The following OLFM2 variants were observed in gnomAD, a reference collection of about 807,000 sequenced individuals.
The protein encoded by OLFM2 is olfactomedin 2.
OLFM2 carries 20 observed loss-of-function variants against 43.9 expected under a neutral mutation model. That is an observed-to-expected ratio of 0.46 (90% confidence interval 0.32 to 0.66). OLFM2 has a LOEUF of 0.66. Ranked by LOEUF, OLFM2 falls within the 30% of genes least tolerant of loss-of-function variation. OLFM2 has a pLI of 0.04. For synonymous variants in OLFM2, 268 were observed against 278.6 expected, an observed-to-expected ratio of 0.96 and a Z score of 0.38; for missense variants, 416 against 643.6, an observed-to-expected ratio of 0.65 and a Z score of 3.83.
rs980548604 is a variant in OLFM2 at position 9,908,294 on chromosome 19, C to G, written c.63+28010G>C. ...TGTGCACCACCATGCCCAGCTAATT[C>G]TTTTTATTTTTCCTCTTTTTCTTTT... On this transcript the variant is annotated intron_variant, in intron 1 of 5. Transcript: ENST00000264833. Among the ~76,000 whole-genome samples, 11 of 151,512 alleles carry G rather than the reference C, an allele frequency of 7.3e-5. No homozygotes were observed. The East Asian group carries it at 2.0e-3, about 27-fold the overall frequency.
chr19:9,871,639 G>A (rs919396859), intron 1 of OLFM2, among the ~76,000 whole-genome samples: 12 of 150,114 alleles, frequency 8.0e-5, no homozygotes, highest in South Asian at 2.1e-4. Flanking sequence ...GCTGGAATTC[G>A]AACACAGGCC....
At chr19:9,900,777 A>C (rs1401351112) in intron 1 of OLFM2, among the ~76,000 whole-genome samples, 2 of 151,022 alleles carry the variant, frequency 1.3e-5, no homozygotes, top group African/African-American at 4.9e-5. Flanking sequence ...TGTAGTCCCA[A>C]CTACTCAGCA....
chr19:9,907,100 C>T (rs1243955022), intron 1 of OLFM2, among the ~76,000 whole-genome samples: 1 of 152,134 alleles, frequency 6.6e-6, no homozygotes, highest in East Asian at 1.9e-4. Flanking sequence ...ACACTTGGCC[C>T]CATCACCAGC....
At chr19:9,896,048 T>G (rs1395286444) in intron 1 of OLFM2, among the ~76,000 whole-genome samples, 1 of 151,982 alleles carries the variant, frequency 6.6e-6, no homozygotes, top group Non-Finnish European at 1.5e-5. Flanking sequence ...TTCTCTGCTT[T>G]CATCTGGTCT....
chr19:9,889,833 G>A (rs938936521), intron 1 of OLFM2, among the ~76,000 whole-genome samples: 3 of 152,148 alleles, frequency 2.0e-5, no homozygotes, highest in African/African-American at 7.2e-5. Flanking sequence ...GGCTGGAGCT[G>A]CAGTTGAAGC....
chr19:9,926,195 T>C (rs2086451874), intron 1 of OLFM2, among the ~76,000 whole-genome samples: 2 of 151,904 alleles, frequency 1.3e-5, no homozygotes, highest in Admixed American at 1.3e-4. Flanking sequence ...TATTTATTGA[T>C]GAATGAATGG....
At chr19:9,859,205 A>G (rs1338387304) in intron 2 of OLFM2, among the ~76,000 whole-genome samples, 1 of 152,230 alleles carries the variant, frequency 6.6e-6, no homozygotes, top group East Asian at 1.9e-4. Flanking sequence ...ACATTTTTAC[A>G]TACTCTTCCC....
chr19:9,921,652 C>T (rs1028752953), intron 1 of OLFM2, among the ~76,000 whole-genome samples: 1 of 152,040 alleles, frequency 6.6e-6, no homozygotes, highest in Non-Finnish European at 1.5e-5. Flanking sequence ...CCACACCTGG[C>T]TATTTTGTAT....
At chr19:9,917,449 C>T (rs118143638) in intron 1 of OLFM2, among the ~76,000 whole-genome samples, 623 of 152,244 alleles carry the variant, frequency 4.1e-3, no homozygotes, top group Non-Finnish European at 5.9e-3. Context: ...GCTTCCTGGT[C>T]GGTTTATCCA....
chr19:9,860,983 T>C (rs556563065), intron 1 of OLFM2, among the ~76,000 whole-genome samples, 189 bp from the exon 2 acceptor site: 1 of 152,174 alleles, frequency 6.6e-6, no homozygotes, highest in East Asian at 1.9e-4. Context: ...AAGACTGAGG[T>C]GCGGAGGGCT....
At chr19:9,855,638 A>G (rs1180897520) in intron 5 of OLFM2, among the ~76,000 whole-genome samples, 1 of 151,962 alleles carries the variant, frequency 6.6e-6, no homozygotes, top group Non-Finnish European at 1.5e-5. Context: ...GGCTCAAGCA[A>G]TCCTCTCACC....
chr19:9,876,842 G>A (rs933130435), intron 1 of OLFM2, among the ~76,000 whole-genome samples: 9 of 152,102 alleles, frequency 5.9e-5, no homozygotes, highest in Admixed American at 2.0e-4. Flanking sequence ...ATGTGTCCCC[G>A]CAAAATTCAT....
At chr19:9,880,713 T>C (rs1044165549) in intron 1 of OLFM2, among the ~76,000 whole-genome samples, 4 of 152,130 alleles carry the variant, frequency 2.6e-5, no homozygotes, top group African/African-American at 9.7e-5. Context: ...GAGAGAGGCC[T>C]CAAAAGAAAC....
chr19:9,875,554 G>A (rs1183327009), intron 1 of OLFM2, among the ~76,000 whole-genome samples: 2 of 148,550 alleles, frequency 1.3e-5, no homozygotes, highest in African/African-American at 5.0e-5. Context: ...GCAGTGGCAC[G>A]ATCACGACTC....
At chr19:9,931,678 C>T (rs1599506496) in intron 1 of OLFM2, among the ~76,000 whole-genome samples, 1 of 134,696 alleles carries the variant, frequency 7.4e-6, no homozygotes, top group East Asian at 2.1e-4. Context: ...TACTGTACTC[C>T]AGCATGGGTG....
Position 9,936,495 on chromosome 19 carries a change from C to A in OLFM2, c.-129G>T. 1 of 644,144 alleles carries A rather than the reference C, an allele frequency of 1.6e-6. No individual in the cohort carries two copies. The highest frequency in any genetic ancestry group is 1.4e-4 in the East Asian group (1 of 7,144). The allele number at this position is 644,144 out of a possible 1,614,324, so 39.9% of individuals were successfully genotyped here. ...TGCGCCGCCGCCTCCCCCGCCTCGC[C>A]GGCGGCCGGGATTCCGCCCCACCCC... On this transcript the variant is annotated 5_prime_UTR_variant, in exon 1 of 6. Coordinates refer to ENST00000264833, the MANE Select transcript of OLFM2 (RefSeq NM_058164.4).
At chr19:9,891,240 G>A (rs1335486291) in intron 1 of OLFM2, among the ~76,000 whole-genome samples, 2 of 150,866 alleles carry the variant, frequency 1.3e-5, no homozygotes, top group Non-Finnish European at 2.9e-5. Context: ...CTTGAACCTG[G>A]AGGCAGAGGT....
intron 1 of OLFM2, among the ~76,000 whole-genome samples, chr19:9,876,748 T>C (rs190882717): frequency 2.0e-5 from 3 of 152,300 alleles, no homozygotes; most frequent in Admixed American, 2.0e-4. Flanking sequence ...TTCCCCCAGT[T>C]AGAGTATATA....
chr19:9,869,626 ATTTTTT>A (rs1207744334), intron 1 of OLFM2, among the ~76,000 whole-genome samples: 2 of 151,968 alleles, frequency 1.3e-5, no homozygotes, highest in Non-Finnish European at 2.9e-5. Flanking sequence ...TATTATTTTT[ATTTTTT>A]AAGAGACAGG....
Sources: gnomAD v4.1 joint callset for allele counts (sites outside exome capture counted in the v4.1 genomes callset) on GRCh38, gnomAD v4.1.1 for gene constraint, MANE v1.5 for transcripts, NCBI Gene and HGNC (gene_info 2026-07-23, HGNC 2026-07-21) for gene names.